Variants in C13orf46 observed in about 807,000 individuals in gnomAD.
C13orf46 encodes the protein uncharacterized protein C13orf46.
rs1396535957 is a variant in C13orf46 at position 113,958,150 on chromosome 13, C to T, written c.573-1311G>A. On this transcript the variant is annotated intron_variant, in intron 6 of 6. Transcript: ENST00000636427. ...TCCACATGCACCCCCTTTCATCAAG[C>T]GCACTGGGGGGTCTCCCCTGCACTC... is the stretch of plus-strand genomic sequence containing the variant. Among the ~76,000 whole-genome samples, 27 of 140,212 alleles carry T rather than the reference C, an allele frequency of 1.9e-4. No individual in the cohort carries two copies. The East Asian group carries it at 5.6e-3, about 29-fold the overall frequency. The allele number at this position is 140,212 out of a possible 152,430, so 92.0% of individuals were successfully genotyped here. A position where few individuals can be genotyped will look rare whatever the true frequency, so the allele number is the denominator to read the frequency against.
chr13:113,965,351 G>C (rs1407717802), intron 5 of C13orf46, among the ~76,000 whole-genome samples: 3 of 152,206 alleles, frequency 2.0e-5, no homozygotes, highest in Non-Finnish European at 4.4e-5. Context: ...GTACAGTCTG[G>C]AAAATAACTG....
At chr13:113,952,074 C>T (rs1054737978), downstream of C13orf46, among the ~76,000 whole-genome samples, 4 of 152,212 alleles carry the variant, frequency 2.6e-5, no homozygotes, top group African/African-American at 4.8e-5. Context: ...GGAACCAGAA[C>T]GTTGAACTGA....
chr13:113,948,934 C>T (rs2052479406), downstream of C13orf46, among the ~76,000 whole-genome samples: 1 of 152,234 alleles, frequency 6.6e-6, no homozygotes, highest in South Asian at 2.1e-4. Flanking sequence ...ATTTGTTTAC[C>T]CTAATGAGGT....
chr13:113,940,462 A>G, the C13orf46 span, among the ~76,000 whole-genome samples: 568 of 150,794 alleles, frequency 3.8e-3, 3 homozygotes, highest in African/African-American at 0.012. Flanking sequence ...GGTCTCCTCT[A>G]GGACTCCATG....
the C13orf46 span, among the ~76,000 whole-genome samples, chr13:113,935,156 C>T: frequency 9.2e-5 from 14 of 152,218 alleles, no homozygotes; most frequent in African/African-American, 2.2e-4. Context: ...TGGCCAGTGG[C>T]GAGAGGGCCT....
downstream of C13orf46, among the ~76,000 whole-genome samples, chr13:113,950,688 C>T (rs1210588493): frequency 6.6e-6 from 1 of 152,218 alleles, no homozygotes; most frequent in Non-Finnish European, 1.5e-5. Context: ...CCTGTGTGCA[C>T]CAGGGCTGGC....
At position 113,956,761 on chromosome 13, in the gene C13orf46, C is replaced by CGGGT; in HGVS notation, c.*11_*12insACCC. On this transcript the variant is annotated 3_prime_UTR_variant, in exon 7 of 7. Transcript: ENST00000636427. ...TCTTCTTCGCCAAGCTCTGAGCACCCTCTCCGGGGCGCTAGGTGCTCTCCT... is the reference window on the plus strand; with the variant it reads ...TCTTCTTCGCCAAGCTCTGAGCACCCGGGTTCTCCGGGGCGCTAGGTGCTCTCCT... The CGGGT allele has an allele frequency of 6.6e-6, 1 of 152,518 alleles. No individual in the cohort carries two copies. Among genetic ancestry groups the CGGGT allele is most frequent in the East Asian group, 1.9e-4 (1 of 5,180 alleles). The allele number at this position is 152,518 out of a possible 1,614,324, so 9.4% of individuals were successfully genotyped here.
chr13:113,973,518 G>A (rs987818511), intron 1 of C13orf46, among the ~76,000 whole-genome samples: 2 of 152,124 alleles, frequency 1.3e-5, no homozygotes, highest in African/African-American at 4.8e-5. Context: ...CTCTACCTAC[G>A]ACCTGGAAGC....
intron 6 of C13orf46, among the ~76,000 whole-genome samples, chr13:113,964,721 C>A (rs1233872104): frequency 6.6e-6 from 1 of 152,156 alleles, no homozygotes; most frequent in Non-Finnish European, 1.5e-5. Context: ...CGTCCCTGAG[C>A]CCTTCGAAGG....
the C13orf46 span, among the ~76,000 whole-genome samples, chr13:113,942,086 C>A: frequency 6.6e-6 from 1 of 152,244 alleles, no homozygotes; most frequent in South Asian, 2.1e-4. Context: ...CTGCCAAAGG[C>A]CGATCATGGT....
the C13orf46 span, among the ~76,000 whole-genome samples, chr13:113,945,188 G>T: frequency 6.6e-6 from 1 of 152,100 alleles, no homozygotes; most frequent in Non-Finnish European, 1.5e-5. Context: ...TGGGCCCTCG[G>T]ATGTGTGATG....
Position 113,956,090 on chromosome 13 carries a change from TGGA to T in C13orf46, c.*680_*682del, listed in dbSNP as rs1350538769. The stretch of plus-strand genomic sequence containing the variant: ...GGAGGAGTAGGATCTGGCGGAGAGG[TGGA>T]GTAGTATCTGGCGGAGAGGAGGAGT... On this transcript the variant is annotated 3_prime_UTR_variant, in exon 7 of 7. Coordinates refer to ENST00000636427, the MANE Select transcript of C13orf46 (RefSeq NM_001365455.2). 1.9e-5 allele frequency: 1 copy of T among 53,956 alleles called. No individual in the cohort carries two copies. The highest frequency in any genetic ancestry group is 3.7e-5 in the Non-Finnish European group (1 of 26,976). The allele number at this position is 53,956 out of a possible 1,614,324, so 3.3% of individuals were successfully genotyped here.
At position 113,965,404 on chromosome 13, in the gene C13orf46, T is replaced by C. The variant is rs1484414607; in HGVS notation, c.505-410A>G. On this transcript the variant is annotated intron_variant, in intron 5 of 6. Transcript: ENST00000636427. Reference sequence around the variant, plus strand: ...TAAACTTGCCAAGAAAGAACTTCAATAAACTTCCAGAATGATGACTGTTCA... The same window carrying C: ...TAAACTTGCCAAGAAAGAACTTCAACAAACTTCCAGAATGATGACTGTTCA... Among the ~76,000 whole-genome samples the C allele has an allele frequency of 2.6e-5, 4 of 152,282 alleles. No individual in the cohort carries two copies. In the East Asian group the frequency reaches 5.8e-4, roughly 22 times the overall value.
intron 5 of C13orf46, among the ~76,000 whole-genome samples, chr13:113,966,393 T>C (rs2138989438): frequency 6.7e-6 from 1 of 150,270 alleles, no homozygotes; most frequent in Admixed American, 6.6e-5. Context: ...ATGGTGATGG[T>C]ATTAATGATG....
At chr13:113,930,980 C>T in the C13orf46 span, among the ~76,000 whole-genome samples, 1 of 152,136 alleles carries the variant, frequency 6.6e-6, no homozygotes, top group African/African-American at 2.4e-5. Context: ...CCGTGGGTGG[C>T]GAGAGGGAGC....
intron 1 of C13orf46, among the ~76,000 whole-genome samples, chr13:113,970,857 C>T (rs28567783): frequency 0.28 from 42,648 of 152,188 alleles, 6,830 homozygotes; most frequent in East Asian, 0.45. Flanking sequence ...GTGAGCGGTG[C>T]TCTGGTGCTC....
chr13:113,949,587 C>T (rs1261000739), downstream of C13orf46, among the ~76,000 whole-genome samples: 2 of 152,222 alleles, frequency 1.3e-5, no homozygotes, highest in Non-Finnish European at 2.9e-5. Context: ...CATAGATTTA[C>T]AAAGACAAAG....
the C13orf46 span, among the ~76,000 whole-genome samples, chr13:113,931,929 C>T: frequency 3.3e-5 from 5 of 152,180 alleles, no homozygotes; most frequent in African/African-American, 9.7e-5. Context: ...ATCCCCTCCC[C>T]CAGGCTGGCC....
At chr13:113,945,664 GAAAGAA>G in the C13orf46 span, among the ~76,000 whole-genome samples, 374 of 135,110 alleles carry the variant, frequency 2.8e-3, 10 homozygotes, top group African/African-American at 8.2e-3. Context: ...AAGAAAGAAA[GAAAGAA>G]AGGAAAGAAA....
Sources: gnomAD v4.1 joint callset for allele counts (sites outside exome capture counted in the v4.1 genomes callset) on GRCh38, gnomAD v4.1.1 for gene constraint, MANE v1.5 for transcripts, NCBI Gene and HGNC (gene_info 2026-07-23, HGNC 2026-07-21) for gene names.